The following N4BP2L2 variants were observed in gnomAD, a reference collection of about 807,000 sequenced individuals.
The protein encoded by N4BP2L2 is NEDD4-binding protein 2-like 2.
In N4BP2L2, 50 loss-of-function variants were observed where a neutral mutation model predicts 56.2. The observed-to-expected ratio is 0.89, with a 90% CI of 0.71 to 1.13. The LOEUF (loss-of-function observed/expected upper bound fraction) is 1.13, where lower values mean the gene tolerates loss of function less well. Ranked by LOEUF, N4BP2L2 falls within the 50% of genes most tolerant of loss-of-function variation. N4BP2L2 has a pLI of 0.00. For missense variants in N4BP2L2, 689 were observed against 693.8 expected (o/e 0.99, Z 0.08); for synonymous variants, 203 against 223.6 (o/e 0.91, Z 0.82).
At chr13:32,484,450 G>A (rs2085440711) in intron 6 of N4BP2L2, among the ~76,000 whole-genome samples, 1 of 152,010 alleles carries the variant, frequency 6.6e-6, no homozygotes, top group South Asian at 2.1e-4. Flanking sequence ...CTTTAATAAA[G>A]TCATTTGCTT....
At chr13:32,438,646 A>G (rs1465743673) in intron 8 of N4BP2L2, 2 of 1,585,958 alleles carry the variant, frequency 1.3e-6, no homozygotes, top group South Asian at 1.1e-5. Context: ...ACACACACAT[A>G]TATACCTCCA....
intron 6 of N4BP2L2, among the ~76,000 whole-genome samples, chr13:32,486,688 A>ATAC (rs2085939706): frequency 6.6e-6 from 1 of 151,096 alleles, no homozygotes; most frequent in African/African-American, 2.4e-5. Context: ...AATAATAATA[A>ATAC]TAATAATAAC....
intron 6 of N4BP2L2, among the ~76,000 whole-genome samples, chr13:32,452,130 T>C (rs2078181473): frequency 6.6e-6 from 1 of 151,598 alleles, no homozygotes; most frequent in African/African-American, 2.4e-5. Flanking sequence ...GGTGCAATCT[T>C]GGCTCATCAC....
exon 7 of N4BP2L2, chr13:32,443,774 T>C (rs939132423): frequency 1.3e-6 from 2 of 1,579,406 alleles, no homozygotes; most frequent in Admixed American, 1.9e-5. Flanking sequence ...TCACCTTCCT[T>C]AGAGAGGTAA....
At chr13:32,452,564 G>A (rs1020949321) in intron 6 of N4BP2L2, among the ~76,000 whole-genome samples, 1 of 152,142 alleles carries the variant, frequency 6.6e-6, no homozygotes, top group Non-Finnish European at 1.5e-5. Flanking sequence ...AATTATACTA[G>A]ACTATCCATT....
exon 7 of N4BP2L2, chr13:32,442,733 T>C: frequency 6.2e-7 from 1 of 1,613,396 alleles, no homozygotes; most frequent in South Asian, 1.1e-5. Flanking sequence ...CTAGATAAAT[T>C]ATGTAGCACA....
intron 6 of N4BP2L2, chr13:32,505,273 C>T (rs924272085): frequency 1.3e-5 from 2 of 152,254 alleles, no homozygotes; most frequent in African/African-American, 2.4e-5. Context: ...CTGTTCCCTT[C>T]GGTACCAGCC....
intron 6 of N4BP2L2, among the ~76,000 whole-genome samples, chr13:32,446,170 C>T (rs1442336783): frequency 1.3e-5 from 2 of 152,186 alleles, no homozygotes; most frequent in Non-Finnish European, 2.9e-5. Context: ...ATAGGTAGGA[C>T]ACATGAAAAT....
At chr13:32,504,355 A>C (rs749655197) in intron 6 of N4BP2L2, among the ~76,000 whole-genome samples, 10 of 152,178 alleles carry the variant, frequency 6.6e-5, no homozygotes, top group East Asian at 3.9e-4. Flanking sequence ...CACAGGGTTT[A>C]TCTCTTCTCA....
chr13:32,433,987 C>G (rs552949778), intron 9 of N4BP2L2, among the ~76,000 whole-genome samples: 1 of 149,798 alleles, frequency 6.7e-6, no homozygotes, highest in Non-Finnish European at 1.5e-5. Context: ...ATGCTTTAAT[C>G]CAAGGCAGTA....
intron 9 of N4BP2L2, among the ~76,000 whole-genome samples, chr13:32,434,524 C>A (rs2075256652): frequency 6.6e-6 from 1 of 152,158 alleles, no homozygotes; most frequent in Non-Finnish European, 1.5e-5. Flanking sequence ...CACAGCTAGT[C>A]AGGAGGAGCC....
chr13:32,519,531 C>CT (rs2050199340), intron 5 of N4BP2L2, among the ~76,000 whole-genome samples: 1 of 152,112 alleles, frequency 6.6e-6, no homozygotes, highest in African/African-American at 2.4e-5. Context: ...TGGCAGGTGC[C>CT]TGTATGCCCA....
chr13:32,442,945 T>G, exon 7 of N4BP2L2: 1 of 1,613,184 alleles, frequency 6.2e-7, no homozygotes, highest in Non-Finnish European at 8.5e-7. Context: ...TCTATCTTTT[T>G]CTTCTCCCAA....
exon 8 of N4BP2L2, chr13:32,438,718 G>A (rs1299916597): frequency 1.2e-6 from 2 of 1,609,242 alleles, no homozygotes; most frequent in Non-Finnish European, 1.7e-6. Flanking sequence ...GAACCACATA[G>A]TCATCAGGCA....
intron 2 of N4BP2L2, among the ~76,000 whole-genome samples, chr13:32,528,926 C>G (rs1042248482): frequency 6.6e-6 from 1 of 152,154 alleles, no homozygotes; most frequent in Non-Finnish European, 1.5e-5. Context: ...ACTTGCTGCT[C>G]AAGCCCTTGA....
intron 3 of N4BP2L2, among the ~76,000 whole-genome samples, chr13:32,526,178 C>T (rs992322520): frequency 6.6e-6 from 1 of 152,096 alleles, no homozygotes; most frequent in Non-Finnish European, 1.5e-5. Context: ...TTCTACAGGA[C>T]AAACAACATA....
At chr13:32,508,372 A>C (rs576083845), downstream of N4BP2L2, 4 of 152,310 alleles carry the variant, frequency 2.6e-5, no homozygotes, top group Admixed American at 1.3e-4. Flanking sequence ...TCAGCAAAGA[A>C]GGCGAGGTTG....
chr13:32,517,157 T>C (rs1261061869), exon 6 of N4BP2L2: 1 of 985,196 alleles, frequency 1.0e-6, no homozygotes, highest in Non-Finnish European at 1.2e-6. Context: ...GGGAGATGGG[T>C]TGAGAAGGAG....
At chr13:32,467,530 G>A (rs927651007) in intron 6 of N4BP2L2, among the ~76,000 whole-genome samples, 2 of 150,304 alleles carry the variant, frequency 1.3e-5, no homozygotes, top group South Asian at 2.1e-4. Flanking sequence ...TGCCTGCCTC[G>A]GCCTCCCAAA....
Sources: gnomAD v4.1 joint callset for allele counts (sites outside exome capture counted in the v4.1 genomes callset) on GRCh38, gnomAD v4.1.1 for gene constraint, MANE v1.5 for transcripts, NCBI Gene and HGNC (gene_info 2026-07-23, HGNC 2026-07-21) for gene names.